Variants in CPNE4 observed in about 807,000 individuals in gnomAD.
CPNE4 encodes copine 4.
In CPNE4, 25 loss-of-function variants were observed where a neutral mutation model predicts 67.9. The ratio of observed to expected loss-of-function variants is 0.37; its 90% CI spans 0.27 to 0.51. The LOEUF (loss-of-function observed/expected upper bound fraction) is 0.51. CPNE4 is among the 20% of genes least tolerant of loss of function. CPNE4 has a pLI of 0.93. For missense variants in CPNE4, 464 were observed against 690.8 expected (o/e 0.67, Z 3.68); for synonymous variants, 242 against 244.9 (o/e 0.99, Z 0.11).
At chr3:131,859,790 T>G (rs1490804991) in intron 2 of CPNE4, among the ~76,000 whole-genome samples, 1 of 152,204 alleles carries the variant, frequency 6.6e-6, no homozygotes, top group Non-Finnish European at 1.5e-5. Flanking sequence ...CAAACGTCTT[T>G]AGTTTCTCAA....
At chr3:131,776,058 G>A (rs116530779) in intron 2 of CPNE4, among the ~76,000 whole-genome samples, 2,012 of 152,178 alleles carry the variant, frequency 0.013, 30 homozygotes, top group Non-Finnish European at 0.017. Flanking sequence ...TCCTCTTTCA[G>A]GCTTGAATAT....
At chr3:131,922,059 G>A (rs1478590266) in intron 1 of CPNE4, among the ~76,000 whole-genome samples, 3 of 152,132 alleles carry the variant, frequency 2.0e-5, no homozygotes, top group African/African-American at 7.2e-5. Flanking sequence ...GTACTTAATA[G>A]TCAGTTATTC....
Position 131,723,498 on chromosome 3 carries a change from T to C in CPNE4, c.308A>G (p.Asn103Ser), listed in dbSNP as rs1342149335. Residue 103 changes from asparagine (N) to serine (S), a missense_variant, in exon 3 of 16, where the codon AAT (asparagine) becomes AGT (serine). Physicochemically the swap from Asn to Ser is conservative, Grantham distance 46 (BLOSUM62 1). Coordinates refer to ENST00000429747, the MANE Select transcript of CPNE4 (RefSeq NM_130808.3). Reference sequence around the variant, plus strand: ...AAGGAAGTCGGCCTCCTTCAGCCCATTGTGGTTGCTGCTGATGTCATGGAC... The same window carrying C: ...AAGGAAGTCGGCCTCCTTCAGCCCACTGTGGTTGCTGCTGATGTCATGGAC... Reference protein sequence around the residue: ...FEVHDISSNHNGLKEADFLGG... With the variant: ...FEVHDISSNHSGLKEADFLGG... 3.1e-6 allele frequency: 5 copies of C among 1,613,760 alleles called. No individual in the cohort carries two copies. The South Asian group carries it at 3.3e-5, about 11-fold the overall frequency.
intron 7 of CPNE4, among the ~76,000 whole-genome samples, chr3:131,630,789 TAAG>T (rs1443803976): frequency 6.6e-6 from 1 of 152,100 alleles, no homozygotes; most frequent in African/African-American, 2.4e-5. Flanking sequence ...TTCCAAGACA[TAAG>T]AAGAATATGA....
At chr3:131,587,626 A>G in intron 7 of CPNE4, 44 bp from the exon 8 acceptor site, 1 of 1,370,614 alleles carries the variant, frequency 7.3e-7, no homozygotes, top group Non-Finnish European at 1.0e-6. Context: ...TTAAGAATGT[A>G]GCCACAGCAG....
chr3:131,821,829 C>T (rs61185569), intron 2 of CPNE4, among the ~76,000 whole-genome samples: 4,804 of 152,256 alleles, frequency 0.032, 181 homozygotes, highest in South Asian at 0.095. Context: ...CTTCCCAGAC[C>T]TCTGAGTCTC....
At chr3:131,999,361 T>C (rs1431610701) in intron 1 of CPNE4, among the ~76,000 whole-genome samples, 1 of 151,114 alleles carries the variant, frequency 6.6e-6, no homozygotes, top group Non-Finnish European at 1.5e-5. Flanking sequence ...ATCCATGCCA[T>C]GGAATACAAT....
At chr3:131,809,143 T>G (rs1338653394) in intron 2 of CPNE4, among the ~76,000 whole-genome samples, 1 of 152,066 alleles carries the variant, frequency 6.6e-6, no homozygotes, top group Non-Finnish European at 1.5e-5. Flanking sequence ...TATAGGGAGA[T>G]TATCTTAAAT....
At chr3:131,570,107 C>A (rs1937256973) in intron 10 of CPNE4, among the ~76,000 whole-genome samples, 1 of 151,370 alleles carries the variant, frequency 6.6e-6, no homozygotes, top group African/African-American at 2.4e-5. Flanking sequence ...ATAGTCAATA[C>A]TAAATAACTA....
At chr3:131,873,580 A>G (rs1044974328) in intron 2 of CPNE4, among the ~76,000 whole-genome samples, 1 of 152,222 alleles carries the variant, frequency 6.6e-6, no homozygotes, top group Non-Finnish European at 1.5e-5. Context: ...GTCGTATGAG[A>G]AACACTTCGT....
chr3:131,796,904 T>C (rs1048161440), intron 2 of CPNE4, among the ~76,000 whole-genome samples: 36 of 152,236 alleles, frequency 2.4e-4, no homozygotes, highest in African/African-American at 8.2e-4. Context: ...TTGGCAAGTT[T>C]AACTTTCTTT....
intron 1 of CPNE4, among the ~76,000 whole-genome samples, chr3:131,956,708 TG>T (rs1284657621): frequency 6.6e-6 from 1 of 152,182 alleles, no homozygotes; most frequent in African/African-American, 2.4e-5. Context: ...TCCATCCCAT[TG>T]GTTTCCTCAT....
At chr3:131,684,875 G>A (rs965322062) in intron 6 of CPNE4, among the ~76,000 whole-genome samples, 6 of 152,186 alleles carry the variant, frequency 3.9e-5, no homozygotes, top group Admixed American at 1.3e-4. Context: ...TGTGGTAGTG[G>A]GTAGTAGGGG....
At chr3:132,012,171 T>C (rs1281434693) in intron 1 of CPNE4, among the ~76,000 whole-genome samples, 4 of 105,376 alleles carry the variant, frequency 3.8e-5, no homozygotes, top group African/African-American at 1.3e-4. Context: ...TTTTGCTTTT[T>C]CGTTTTTTTT....
At chr3:131,745,148 CGTT>C (rs1387827035) in intron 2 of CPNE4, among the ~76,000 whole-genome samples, 9 of 152,102 alleles carry the variant, frequency 5.9e-5, no homozygotes, top group Admixed American at 1.3e-4. Context: ...AATAGTATCT[CGTT>C]GTTGTTTTAA....
chr3:131,726,751 ATTCCTG>A (rs1479468952), intron 2 of CPNE4, among the ~76,000 whole-genome samples: 4 of 148,404 alleles, frequency 2.7e-5, no homozygotes, highest in African/African-American at 1.0e-4. Flanking sequence ...TAAAACTCAG[ATTCCTG>A]TTTCCTAACC....
At chr3:131,750,895 C>T (rs2082609919) in intron 2 of CPNE4, among the ~76,000 whole-genome samples, 1 of 151,698 alleles carries the variant, frequency 6.6e-6, no homozygotes. Context: ...CTCTTTCATC[C>T]CTGAAGGATA....
chr3:131,634,614 T>C (rs2079327083), intron 7 of CPNE4, among the ~76,000 whole-genome samples: 1 of 152,164 alleles, frequency 6.6e-6, no homozygotes, highest in African/African-American at 2.4e-5. Context: ...TATAATTACT[T>C]CCACCTTGAA....
intron 2 of CPNE4, among the ~76,000 whole-genome samples, chr3:131,743,134 G>C (rs2082397001): frequency 6.6e-6 from 1 of 152,164 alleles, no homozygotes; most frequent in South Asian, 2.1e-4. Context: ...AACAATGACA[G>C]ATTCAGGAAG....
Sources: allele counts gnomAD v4.1 joint callset (sites outside exome capture counted in the v4.1 genomes callset), GRCh38; gene constraint gnomAD v4.1.1; transcripts MANE v1.5; gene names NCBI Gene and HGNC (gene_info 2026-07-23, HGNC 2026-07-21).